Variants in SPOCK1 observed in about 807,000 individuals in gnomAD.
The protein encoded by SPOCK1 is testican-1.
A neutral mutation model predicts 55.3 loss-of-function variants in SPOCK1; 23 were observed. The ratio of observed to expected loss-of-function variants is 0.42; its 90% CI spans 0.30 to 0.59. The LOEUF (loss-of-function observed/expected upper bound fraction) is 0.59, where lower values mean the gene tolerates loss of function less well. SPOCK1 is among the 20% of genes least tolerant of loss of function. SPOCK1 has a pLI of 0.22. For synonymous variants in SPOCK1, 226 were observed against 221.0 expected (o/e 1.02, Z -0.20); for missense variants, 499 against 552.5 (o/e 0.90, Z 0.97).
chr5:137,160,875 C>A (rs1452400757), intron 3 of SPOCK1, among the ~76,000 whole-genome samples: 1 of 144,986 alleles, frequency 6.9e-6, no homozygotes, highest in South Asian at 2.1e-4. Flanking sequence ...TACTGAGTAT[C>A]TACCCAGAGG....
At chr5:137,360,442 C>A (rs767365801) in intron 2 of SPOCK1, among the ~76,000 whole-genome samples, 8 of 152,182 alleles carry the variant, frequency 5.3e-5, no homozygotes, top group Non-Finnish European at 1.0e-4. Flanking sequence ...TGCTGCTGAA[C>A]CTTCAAAAGG....
Position 137,083,702 on chromosome 5 carries a change from C to T in SPOCK1, c.475-15873G>A, listed in dbSNP as rs568104950. 1.1e-4 allele frequency among the ~76,000 whole-genome samples: 17 copies of T among 152,092 alleles called. No homozygotes were observed. The East Asian group carries it at 2.1e-3, about 19-fold the overall frequency. ...CACTGAATACTTGCTATGGGAGAGC[C>T]GAAAACTGAATACTTGCTATGTGAG... On this transcript the variant is annotated intron_variant, in intron 5 of 10. Transcript: ENST00000394945.
chr5:137,195,774 T>C (rs752589636), intron 3 of SPOCK1, among the ~76,000 whole-genome samples: 5 of 152,102 alleles, frequency 3.3e-5, no homozygotes, highest in African/African-American at 4.8e-5. Flanking sequence ...TAGGTATGAG[T>C]ACATGACTGG....
chr5:137,013,851 A>G (rs1054271821), intron 6 of SPOCK1, among the ~76,000 whole-genome samples: 5 of 152,186 alleles, frequency 3.3e-5, no homozygotes, highest in African/African-American at 9.6e-5. Flanking sequence ...TGTTATAAAC[A>G]GGAGTTACAG....
intron 3 of SPOCK1, among the ~76,000 whole-genome samples, chr5:137,187,115 TAGGTTATCCCTCTGTCCCACTCCCTGAA>T (rs1299529469): frequency 5.3e-5 from 8 of 152,202 alleles, no homozygotes; most frequent in African/African-American, 1.9e-4. Context: ...GGTCCTGCCC[TAGGTTATCCCTCTGTCCCACTCCCTGAA>T]AGGATAATGC....
intron 3 of SPOCK1, among the ~76,000 whole-genome samples, chr5:137,239,745 A>G (rs2127099295): frequency 6.6e-6 from 1 of 152,352 alleles, no homozygotes; most frequent in South Asian, 2.1e-4. Context: ...TTTAACAGAC[A>G]AGAAAAATCA....
chr5:137,054,713 A>AACTC (rs1442630682), intron 6 of SPOCK1, among the ~76,000 whole-genome samples: 3 of 152,234 alleles, frequency 2.0e-5, no homozygotes, highest in Non-Finnish European at 4.4e-5. Flanking sequence ...GAGAATAAAC[A>AACTC]ACTCATAATA....
intron 3 of SPOCK1, among the ~76,000 whole-genome samples, chr5:137,236,024 G>C (rs889947677): frequency 6.6e-6 from 1 of 152,224 alleles, no homozygotes; most frequent in African/African-American, 2.4e-5. Flanking sequence ...ATCTGACTGC[G>C]TCCCTCCCAG....
intron 5 of SPOCK1, among the ~76,000 whole-genome samples, chr5:137,077,888 C>T (rs1463755116): frequency 6.6e-6 from 1 of 152,274 alleles, no homozygotes; most frequent in East Asian, 1.9e-4. Context: ...GAAGAGGTTG[C>T]TGAAATAAAT....
chr5:137,246,863 T>C (rs1399630703), intron 3 of SPOCK1, among the ~76,000 whole-genome samples: 1 of 152,220 alleles, frequency 6.6e-6, no homozygotes, highest in Non-Finnish European at 1.5e-5. Flanking sequence ...ATGAGTCACA[T>C]GCCTGGAGCT....
At chr5:137,466,476 G>A (rs1018514516) in intron 2 of SPOCK1, among the ~76,000 whole-genome samples, 5 of 152,182 alleles carry the variant, frequency 3.3e-5, no homozygotes, top group Non-Finnish European at 5.9e-5. Flanking sequence ...AGGAGCCCTG[G>A]TCTTTAGGTG....
At chr5:137,115,125 C>A (rs1753551976) in intron 4 of SPOCK1, among the ~76,000 whole-genome samples, 1 of 152,128 alleles carries the variant, frequency 6.6e-6, no homozygotes, top group African/African-American at 2.4e-5. Flanking sequence ...TGACTGGTGC[C>A]TATCAGAGGG....
chr5:137,247,388 T>A (rs1262362263), intron 3 of SPOCK1, among the ~76,000 whole-genome samples: 1 of 152,164 alleles, frequency 6.6e-6, no homozygotes, highest in Non-Finnish European at 1.5e-5. Flanking sequence ...CCACCAGCCA[T>A]GCAGAAATTA....
intron 2 of SPOCK1, among the ~76,000 whole-genome samples, chr5:137,416,854 T>C (rs550494302): frequency 6.6e-6 from 1 of 152,324 alleles, no homozygotes; most frequent in Admixed American, 6.5e-5. Context: ...CCATAAGTAC[T>C]AATTTTGAAC....
At chr5:137,487,538 C>T (rs550972216) in intron 2 of SPOCK1, among the ~76,000 whole-genome samples, 1 of 152,302 alleles carries the variant, frequency 6.6e-6, no homozygotes, top group South Asian at 2.1e-4. Context: ...ACCCTTAACA[C>T]CACTTCAGTT....
intron 3 of SPOCK1, among the ~76,000 whole-genome samples, chr5:137,224,382 T>A (rs948807757): frequency 6.6e-6 from 1 of 152,226 alleles, no homozygotes; most frequent in African/African-American, 2.4e-5. Context: ...TTTACATTTA[T>A]TCCTTGGAGT....
chr5:137,317,338 A>G (rs890625505), intron 2 of SPOCK1, among the ~76,000 whole-genome samples: 3 of 152,188 alleles, frequency 2.0e-5, no homozygotes, highest in African/African-American at 7.2e-5. Context: ...TCTCCTGGCC[A>G]TGGAGTAAGG....
At chr5:137,334,062 T>C (rs1750185677) in intron 2 of SPOCK1, among the ~76,000 whole-genome samples, 1 of 152,206 alleles carries the variant, frequency 6.6e-6, no homozygotes, top group Non-Finnish European at 1.5e-5. Flanking sequence ...TCTAGGGGTC[T>C]CTGCCAATGG....
intron 9 of SPOCK1, 127 bp from the exon 10 acceptor site, chr5:136,979,596 G>A: frequency 1.6e-6 from 2 of 1,251,884 alleles, no homozygotes; most frequent in African/African-American, 1.5e-5. Context: ...GCAGAGGATG[G>A]GGATGGTTGG....
Sources: allele counts gnomAD v4.1 joint callset (sites outside exome capture counted in the v4.1 genomes callset), GRCh38; gene constraint gnomAD v4.1.1; transcripts MANE v1.5; gene names NCBI Gene and HGNC (gene_info 2026-07-23, HGNC 2026-07-21).